The following IGSF21 variants were observed in gnomAD, a reference collection of about 807,000 sequenced individuals.
The protein encoded by IGSF21 is immunoglobulin superfamily member 21.
IGSF21 carries 28 observed loss-of-function variants against 46.8 expected under a neutral mutation model. That is an observed-to-expected ratio of 0.60 (90% CI 0.44 to 0.82). IGSF21 has a LOEUF of 0.82. IGSF21 is among the 40% of genes least tolerant of loss of function. The probability of loss-of-function intolerance (pLI) is 0.00; values close to 1 mark genes in which losing one functional copy is unlikely to be tolerated. For synonymous variants in IGSF21, 284 were observed against 273.6 expected, an observed-to-expected ratio of 1.04 and a Z score of -0.38; for missense variants, 624 against 665.5, an observed-to-expected ratio of 0.94 and a Z score of 0.69.
At chr1:18,136,071 T>C (rs1313489720) in intron 1 of IGSF21, among the ~76,000 whole-genome samples, 1 of 152,270 alleles carries the variant, frequency 6.6e-6, no homozygotes, top group Non-Finnish European at 1.5e-5. Flanking sequence ...TTTTGAGGAA[T>C]GTCTGTTCAT....
rs1553162213 is a variant in IGSF21, at chr1:18,305,482, G to GATGGATGC, written c.305+13502_305+13503insCATGGATG. ...TGCATGGATGACAGATGGATGGATG[G>GATGGATGC]ATGGATGATGGATGGATGGATGGAT... On this transcript the variant is annotated intron_variant, in intron 3 of 9. Transcript: ENST00000251296. 2.8e-3 allele frequency among the ~76,000 whole-genome samples: 375 copies of GATGGATGC among 135,492 alleles called. 3 individuals are homozygous for GATGGATGC. The highest frequency in any genetic ancestry group is 0.01 in the African/African-American group (354 of 34,594). 88.9% of individuals were successfully genotyped at this position (135,492 alleles called of 152,430 possible). A position where few individuals can be genotyped will look rare whatever the true frequency, so the allele number is the denominator to read the frequency against.
intron 1 of IGSF21, among the ~76,000 whole-genome samples, chr1:18,125,584 CATCTATTG>C (rs1315328609): frequency 1.3e-5 from 2 of 152,222 alleles, no homozygotes; most frequent in African/African-American, 4.8e-5. Flanking sequence ...TCCTTTAGTG[CATCTATTG>C]ATTCATTCAT....
At chr1:18,178,578 A>T (rs963120887) in intron 1 of IGSF21, among the ~76,000 whole-genome samples, 3 of 152,242 alleles carry the variant, frequency 2.0e-5, no homozygotes, top group African/African-American at 7.2e-5. Context: ...TAAATCCTGT[A>T]TAAGTGTTAG....
At chr1:18,235,505 A>T (rs1376888674) in intron 2 of IGSF21, among the ~76,000 whole-genome samples, 1 of 152,252 alleles carries the variant, frequency 6.6e-6, no homozygotes, top group Non-Finnish European at 1.5e-5. Flanking sequence ...CGCAAAGGCA[A>T]CAGGAAACCT....
chr1:18,317,501 C>A (rs1347744670), intron 3 of IGSF21, among the ~76,000 whole-genome samples: 2 of 152,242 alleles, frequency 1.3e-5, no homozygotes, highest in African/African-American at 4.8e-5. Context: ...AGAGCCAGGA[C>A]AAAGCCTTGC....
At chr1:18,198,676 G>A (rs551822482) in intron 1 of IGSF21, among the ~76,000 whole-genome samples, 1 of 152,186 alleles carries the variant, frequency 6.6e-6, no homozygotes, top group South Asian at 2.1e-4. Flanking sequence ...TAAAATGTAT[G>A]GGATCAAGAG....
rs115434078 is a variant in IGSF21 at position 18,343,761 on chromosome 1, G to A, written c.424+8751G>A. Among the ~76,000 whole-genome samples the A allele has an allele frequency of 7.5e-3, 1,144 of 152,280 alleles. 11 individuals carry two copies. The Middle Eastern group carries it at 0.085, about 11-fold the overall frequency. On this transcript the variant is annotated intron_variant, in intron 4 of 9. Transcript: ENST00000251296. ...GAAAATCAATTGACTGTGAAAGTGC[G>A]AGTTTATTTCCAGACTCTCCATTCT...
intron 1 of IGSF21, among the ~76,000 whole-genome samples, chr1:18,224,614 G>A (rs1448817595): frequency 3.3e-5 from 5 of 152,088 alleles, no homozygotes; most frequent in African/African-American, 9.7e-5. Context: ...TGCCTACAAC[G>A]GTGCCTGGTA....
intron 4 of IGSF21, among the ~76,000 whole-genome samples, chr1:18,359,473 A>C (rs2086075810): frequency 1.6e-5 from 1 of 61,480 alleles, no homozygotes; most frequent in African/African-American, 7.0e-5. Context: ...GGAAGGAAGG[A>C]AGGAAGGAAG....
intron 6 of IGSF21, among the ~76,000 whole-genome samples, chr1:18,367,773 A>AT (rs59394022): frequency 0.14 from 20,050 of 147,322 alleles, 1,487 homozygotes; most frequent in East Asian, 0.22. Context: ...CATCCTGCTA[A>AT]TTTTTTTTTT....
chr1:18,151,225 C>G (rs914214267), intron 1 of IGSF21, among the ~76,000 whole-genome samples: 1 of 152,242 alleles, frequency 6.6e-6, no homozygotes, highest in Non-Finnish European at 1.5e-5. Flanking sequence ...TTAACACTAG[C>G]TGCTGTAACA....
At chr1:18,360,916 G>C (rs979610413) in intron 4 of IGSF21, among the ~76,000 whole-genome samples, 1 of 152,182 alleles carries the variant, frequency 6.6e-6, no homozygotes, top group Non-Finnish European at 1.5e-5. Context: ...TGGTGACCGA[G>C]CTGAGATTCA....
chr1:18,213,871 T>A (rs1400449990), intron 1 of IGSF21, among the ~76,000 whole-genome samples: 1 of 152,106 alleles, frequency 6.6e-6, no homozygotes, highest in African/African-American at 2.4e-5. Context: ...TTTTCCCTAG[T>A]CTCATCACCT....
chr1:18,257,869 C>G (rs981512472), intron 2 of IGSF21, among the ~76,000 whole-genome samples: 8 of 152,170 alleles, frequency 5.3e-5, no homozygotes, highest in African/African-American at 1.9e-4. Flanking sequence ...CTTCTCCCTC[C>G]CCCTCATGAA....
At chr1:18,168,598 T>C (rs1387882757) in intron 1 of IGSF21, among the ~76,000 whole-genome samples, 1 of 152,168 alleles carries the variant, frequency 6.6e-6, no homozygotes, top group Non-Finnish European at 1.5e-5. Context: ...TGTCCCTCTC[T>C]CCTTCTTTCA....
intron 1 of IGSF21, among the ~76,000 whole-genome samples, chr1:18,121,341 C>A (rs1281938906): frequency 6.6e-6 from 1 of 152,136 alleles, no homozygotes; most frequent in Non-Finnish European, 1.5e-5. Context: ...AAATATTCCT[C>A]AGGAAAACTT....
At chr1:18,329,387 T>C (rs2085690373) in intron 3 of IGSF21, among the ~76,000 whole-genome samples, 1 of 152,166 alleles carries the variant, frequency 6.6e-6, no homozygotes, top group African/African-American at 2.4e-5. Context: ...AAGGACCTCA[T>C]CCAACATCAC....
At chr1:18,280,158 A>C (rs2085144842) in intron 2 of IGSF21, among the ~76,000 whole-genome samples, 1 of 152,144 alleles carries the variant, frequency 6.6e-6, no homozygotes, top group African/African-American at 2.4e-5. Context: ...AGGGGGTGTC[A>C]CAGGCAGGGG....
At chr1:18,239,334 C>A (rs2084703178) in intron 2 of IGSF21, among the ~76,000 whole-genome samples, 1 of 152,112 alleles carries the variant, frequency 6.6e-6, no homozygotes. Context: ...CCCTCCTCTC[C>A]CCACATTTTC....
Sources: allele counts gnomAD v4.1 joint callset (sites outside exome capture counted in the v4.1 genomes callset), GRCh38; gene constraint gnomAD v4.1.1; transcripts MANE v1.5; gene names NCBI Gene and HGNC (gene_info 2026-07-23, HGNC 2026-07-21).